AATK: variants seen among roughly 807,000 people sequenced by gnomAD.
The protein encoded by AATK is lemur tail kinase 1.
A neutral mutation model predicts 114.3 loss-of-function variants in AATK; 91 were observed. The observed-to-expected ratio is 0.80, with a 90% CI of 0.67 to 0.95. The LOEUF (loss-of-function observed/expected upper bound fraction) is 0.95, where lower values mean the gene tolerates loss of function less well. AATK is among the 40% of genes least tolerant of loss of function. AATK has a pLI of 0.00. For synonymous variants in AATK, 1,075 were observed against 916.5 expected, an observed-to-expected ratio of 1.17 and a Z score of -3.12; for missense variants, 2,176 against 1,965.2, an observed-to-expected ratio of 1.11 and a Z score of -2.03.
chr17:81,166,198 C>A lies in AATK; in HGVS notation c.-206G>T. 6.7e-6 allele frequency: 1 copy of A among 150,122 alleles called. No individual in the cohort carries two copies. The highest frequency in any genetic ancestry group is 1.3e-5 in the Non-Finnish European group (1 of 74,952). 9.3% of individuals were successfully genotyped at this position (150,122 alleles called of 1,614,324 possible). ...GAGGCGCTCCGCCCGGCCCTGGCGC[C>A]GCGGGGCTCCGCTGGTGCAGTCCGA... is the stretch of plus-strand genomic sequence containing the variant. On this transcript the variant is annotated 5_prime_UTR_variant, in exon 1 of 14. Coordinates refer to ENST00000326724, the MANE Select transcript of AATK (RefSeq NM_001080395.3).
At chr17:81,145,061 C>T (rs994650995) in intron 1 of AATK, among the ~76,000 whole-genome samples, 26 of 151,848 alleles carry the variant, frequency 1.7e-4, no homozygotes, top group African/African-American at 5.3e-4. Flanking sequence ...GGTGAAACTC[C>T]GCCTCTACTA....
Position 81,134,354 on chromosome 17 carries a change from C to A in AATK, c.189+14G>T, listed in dbSNP as rs2060979998. ...CGGGATCCCACGACAGCTCCCGCGG[C>A]CCCCAGGCCTCACCTTGAACCCGAT... On this transcript the variant is annotated intron_variant, in intron 2 of 13. Coordinates refer to ENST00000326724, the MANE Select transcript of AATK (RefSeq NM_001080395.3). The A allele has an allele frequency of 6.2e-7, 1 of 1,611,532 alleles. No individual in the cohort carries two copies. The highest frequency in any genetic ancestry group is 1.3e-5 in the African/African-American group (1 of 74,890).
At chr17:81,132,659 C>A in intron 2 of AATK, 1 of 308,320 alleles carries the variant, frequency 3.2e-6, no homozygotes. Flanking sequence ...GCATTACCTG[C>A]TGCCCGGGGG....
At chr17:81,129,119 C>T (rs1293781278) in intron 3 of AATK, among the ~76,000 whole-genome samples, 1 of 152,236 alleles carries the variant, frequency 6.6e-6, no homozygotes, top group Non-Finnish European at 1.5e-5. Flanking sequence ...GCTGGCAGAG[C>T]CCACTCATGC....
intron 1 of AATK, among the ~76,000 whole-genome samples, chr17:81,153,604 G>A (rs147241345): frequency 6.6e-6 from 1 of 152,140 alleles, no homozygotes; most frequent in African/African-American, 2.4e-5. Flanking sequence ...AGGATGAGAG[G>A]ATGCTTTGTG....
chr17:81,127,276 A>C (rs555648075), intron 6 of AATK, among the ~76,000 whole-genome samples: 7 of 146,202 alleles, frequency 4.8e-5, no homozygotes, highest in South Asian at 4.5e-4. Context: ...GCCCCCCCCC[A>C]GTTGGCCCAG....
At chr17:81,153,385 C>T (rs1471137955) in intron 1 of AATK, among the ~76,000 whole-genome samples, 1 of 152,134 alleles carries the variant, frequency 6.6e-6, no homozygotes, top group Non-Finnish European at 1.5e-5. Flanking sequence ...AAGATGTCAC[C>T]AATAAAGTTT....
Position 81,166,101 on chromosome 17 carries a change from C to T in AATK, c.-109G>A. 1.6e-5 allele frequency: 9 copies of T among 577,106 alleles called. No individual in the cohort carries two copies. Among genetic ancestry groups the T allele is most frequent in the Non-Finnish European group, 2.0e-5 (9 of 460,040 alleles). The allele number at this position is 577,106 out of a possible 1,614,324, so 35.7% of individuals were successfully genotyped here. A position where few individuals can be genotyped will look rare whatever the true frequency, so the allele number is the denominator to read the frequency against. On this transcript the variant is annotated 5_prime_UTR_variant, in exon 1 of 14. Transcript: ENST00000326724. ...CAGCGGCCGCCGCAGGTGCGGAGCG[C>T]GCCGGCCCCCGCGCCCCGCGCCCCC...
Position 81,118,226 on chromosome 17 carries a change from C to T in AATK, c.*176G>A, listed in dbSNP as rs2060592551. 2 of 624,992 alleles carry T rather than the reference C, an allele frequency of 3.2e-6. No homozygotes were observed. The highest frequency in any genetic ancestry group is 5.6e-6 in the Non-Finnish European group (2 of 358,540). The allele number at this position is 624,992 out of a possible 1,614,324, so 38.7% of individuals were successfully genotyped here. ...CTGGGGCGGAGCATGGCCGATCTACCATCCAGGGCCTCTCATCCCACGGGC... is the reference window on the plus strand; with the variant it reads ...CTGGGGCGGAGCATGGCCGATCTACTATCCAGGGCCTCTCATCCCACGGGC... On this transcript the variant is annotated 3_prime_UTR_variant, in exon 14 of 14. Coordinates refer to ENST00000326724, the MANE Select transcript of AATK (RefSeq NM_001080395.3).
intron 1 of AATK, among the ~76,000 whole-genome samples, chr17:81,152,988 G>A (rs550359405): frequency 9.2e-5 from 14 of 152,066 alleles, no homozygotes; most frequent in Admixed American, 3.3e-4. Context: ...GATTACAAGC[G>A]TCCACCACCA....
chr17:81,119,875 C>A, intron 12 of AATK, 61 bp downstream of exon 12: 2 of 1,401,160 alleles, frequency 1.4e-6, no homozygotes, highest in Non-Finnish European at 1.8e-6. Context: ...CCGCCTCCCA[C>A]ACAGCACGGA....
chr17:81,118,977 C>G (rs953623605), intron 13 of AATK, among the ~76,000 whole-genome samples: 3 of 152,192 alleles, frequency 2.0e-5, no homozygotes, highest in African/African-American at 7.2e-5. Context: ...AGCGGTGGCT[C>G]AGGCCCCCAG....
At chr17:81,128,304 G>A (rs1433533157) in intron 4 of AATK, among the ~76,000 whole-genome samples, 166 bp downstream of exon 4, 2 of 152,108 alleles carry the variant, frequency 1.3e-5, no homozygotes, top group Non-Finnish European at 2.9e-5. Context: ...GGGAGAAGGG[G>A]ATGCAGCCAG....
At chr17:81,144,759 G>C (rs1231140232) in intron 1 of AATK, among the ~76,000 whole-genome samples, 4 of 152,252 alleles carry the variant, frequency 2.6e-5, no homozygotes. Flanking sequence ...GCCCATTAAA[G>C]ACACTGCCTT....
At chr17:81,124,603 C>G (rs567192955) in intron 9 of AATK, 124 bp downstream of exon 9, 2 of 1,477,176 alleles carry the variant, frequency 1.4e-6, no homozygotes, top group Non-Finnish European at 1.8e-6. Flanking sequence ...GGGCTGCTGG[C>G]GTGTGGCCAC....
intron 9 of AATK, among the ~76,000 whole-genome samples, chr17:81,124,496 C>A (rs796075575): frequency 3.9e-5 from 6 of 152,322 alleles, no homozygotes; most frequent in African/African-American, 1.4e-4. Context: ...GGGCCGTTGG[C>A]CCTGTACGTA....
chr17:81,132,124 C>T (rs1408508571), intron 2 of AATK: 1 of 929,882 alleles, frequency 1.1e-6, no homozygotes, highest in Non-Finnish European at 1.5e-6. Flanking sequence ...TCTCCAAAGT[C>T]CTGGGCCCAG....
Position 81,123,199 on chromosome 17 carries a change from G to A in AATK, c.1107C>T (p.Asp369=), listed in dbSNP as rs562221830. Residue 369 remains aspartate, a synonymous_variant, in exon 10 of 14, where the codon GAC becomes GAT. Coordinates refer to ENST00000326724, the MANE Select transcript of AATK (RefSeq NM_001080395.3). ...PKPQLQLTLS[D]RWYEVMQFCW... ...CAGGGCAGTGGGGCCCTCACCAGCG[G>A]TCCGACAGGGTCAGCTGCAGCTGGG... The A allele has an allele frequency of 4.2e-6, 6 of 1,424,354 alleles. No individual in the cohort carries two copies. Among genetic ancestry groups the A allele is most frequent in the Admixed American group, 3.4e-5 (1 of 29,154 alleles). The allele number at this position is 1,424,354 out of a possible 1,614,324, so 88.2% of individuals were successfully genotyped here.
Position 81,120,848 on chromosome 17 carries a change from T to C in AATK, c.3088A>G (p.Thr1030Ala), listed in dbSNP as rs761633347. Residue 1030 changes from threonine (T) to alanine (A), a missense_variant, in exon 11 of 14, where the codon ACT (threonine) becomes GCT (alanine). This residue lies in a region of AATK where 1,701 missense variants were observed against 1,394.7 expected (regional missense o/e 1.22). Coordinates refer to ENST00000326724, the MANE Select transcript of AATK (RefSeq NM_001080395.3). ...APGPELGLPS[T>A]GQPSEQVCLR... is the part of the protein sequence containing the mutation. The stretch of plus-strand genomic sequence containing the variant: ...CAGACCTGCTCAGACGGCTGCCCAG[T>C]GCTCGGCAGGCCCAGCTCTGGCCCG... 6.3e-7 allele frequency: 1 copy of C among 1,579,716 alleles called. No homozygotes were observed. The highest frequency in any genetic ancestry group is 1.2e-5 in the South Asian group (1 of 86,776).
Sources: gnomAD v4.1 joint callset for allele counts (sites outside exome capture counted in the v4.1 genomes callset) on GRCh38, gnomAD v4.1.1 for gene constraint, gnomAD v4.1.1 regional missense constraint, MANE v1.5 for transcripts, NCBI Gene and HGNC (gene_info 2026-07-23, HGNC 2026-07-21) for gene names.